Variants in AP3S2 observed in about 807,000 individuals in gnomAD.
The protein encoded by AP3S2 is AP-3 complex subunit sigma-2.
A neutral mutation model predicts 23.4 loss-of-function variants in AP3S2; 22 were observed. That is an observed-to-expected ratio of 0.94 (90% CI 0.67 to 1.34). AP3S2 has a LOEUF of 1.34. Ranked by LOEUF, AP3S2 falls within the 40% of genes most tolerant of loss-of-function variation. The pLI is 0.00. For missense variants in AP3S2, 241 were observed against 236.9 expected, an observed-to-expected ratio of 1.02 and a Z score of -0.11; for synonymous variants, 86 against 87.1, an observed-to-expected ratio of 0.99 and a Z score of 0.07.
In AP3S2 at chr15:89,831,741, G is replaced by A. The variant is rs1293441638; in HGVS notation, c.*3774C>T. On this transcript the variant is annotated 3_prime_UTR_variant, in exon 6 of 6. Coordinates refer to ENST00000336418, the MANE Select transcript of AP3S2 (RefSeq NM_005829.5). ...CTGGCTCTATATGTGGCAGAGGCCT[G>A]AATAAACAGGGATTTGAGAGGGCTC... 2 of 152,314 alleles carry A rather than the reference G, an allele frequency of 1.3e-5. No homozygotes were observed. Among genetic ancestry groups the A allele is most frequent in the African/African-American group, 4.8e-5 (2 of 41,474 alleles). The allele number at this position is 152,314 out of a possible 1,614,324, so 9.4% of individuals were successfully genotyped here. A position where few individuals can be genotyped will look rare whatever the true frequency, so the allele number is the denominator to read the frequency against.
chr15:89,842,096 A>C (rs1297237363), intron 4 of AP3S2, among the ~76,000 whole-genome samples: 2 of 152,140 alleles, frequency 1.3e-5, no homozygotes, highest in African/African-American at 4.8e-5. Flanking sequence ...AACTGAGGAA[A>C]GAAGTGAAAG....
At chr15:89,843,735 G>A in intron 4 of AP3S2, among the ~76,000 whole-genome samples, 1 of 152,172 alleles carries the variant, frequency 6.6e-6, no homozygotes, top group Non-Finnish European at 1.5e-5. Flanking sequence ...CTGAACCCAG[G>A]AGGAGGAGGT....
rs878929084 is a variant in AP3S2 at position 89,832,119 on chromosome 15, C to T, written c.*3396G>A. Reference sequence around the variant, plus strand: ...TAGAAATTGCATAATGAAAGAATTTCAGATTTTTATTAGTGGCAGTGAGCA... The same window carrying T: ...TAGAAATTGCATAATGAAAGAATTTTAGATTTTTATTAGTGGCAGTGAGCA... On this transcript the variant is annotated 3_prime_UTR_variant, in exon 6 of 6. Transcript: ENST00000336418. 1.3e-5 allele frequency: 2 copies of T among 152,124 alleles called. No individual in the cohort carries two copies. Among genetic ancestry groups the T allele is most frequent in the Admixed American group, 1.3e-4 (2 of 15,266 alleles). 9.4% of individuals were successfully genotyped at this position (152,124 alleles called of 1,614,324 possible). A position where few individuals can be genotyped will look rare whatever the true frequency, so the allele number is the denominator to read the frequency against.
At chr15:89,862,867 ATT>A (rs1179476354) in intron 4 of AP3S2, among the ~76,000 whole-genome samples, 1 of 152,208 alleles carries the variant, frequency 6.6e-6, no homozygotes, top group African/African-American at 2.4e-5. Context: ...CCATTTGGGA[ATT>A]ACCTACATAG....
chr15:89,883,030 CCTTT>C (rs1199377351), intron 3 of AP3S2, among the ~76,000 whole-genome samples: 1 of 152,122 alleles, frequency 6.6e-6, no homozygotes, highest in African/African-American at 2.4e-5. Flanking sequence ...TCCAACTATT[CCTTT>C]GTTTTTTCTT....
In AP3S2 at chr15:89,850,335, G is replaced by A. The variant is rs557624786; in HGVS notation, c.346-12613C>T. On this transcript the variant is annotated intron_variant, in intron 4 of 5. Coordinates refer to ENST00000336418, the MANE Select transcript of AP3S2 (RefSeq NM_005829.5). ...TCTTTCACTCACAGGATCATACATT[G>A]TTTCAGTGGGCAATGAATGAATCCA... Among the ~76,000 whole-genome samples the A allele has an allele frequency of 1.3e-3, 197 of 152,204 alleles. 2 individuals carry two copies. The Middle Eastern group carries it at 0.058, about 45-fold the overall frequency.
At chr15:89,839,049 C>G (rs1895262842) in intron 4 of AP3S2, among the ~76,000 whole-genome samples, 1 of 152,116 alleles carries the variant, frequency 6.6e-6, no homozygotes, top group Non-Finnish European at 1.5e-5. Flanking sequence ...TCTCTAGCAT[C>G]CCTGGTCTCT....
chr15:89,845,097 A>G (rs1311977505), intron 4 of AP3S2, among the ~76,000 whole-genome samples: 1 of 151,916 alleles, frequency 6.6e-6, no homozygotes, highest in African/African-American at 2.4e-5. Flanking sequence ...AGTAGAGACG[A>G]GGTTTTACCA....
chr15:89,867,076 G>C (rs980638973), intron 4 of AP3S2, among the ~76,000 whole-genome samples: 15 of 134,406 alleles, frequency 1.1e-4, no homozygotes, highest in African/African-American at 4.1e-4. Flanking sequence ...ATGCGGAGCC[G>C]AAGCTGGACT....
intron 4 of AP3S2, among the ~76,000 whole-genome samples, chr15:89,840,645 C>T (rs1895306112): frequency 6.6e-6 from 1 of 152,158 alleles, no homozygotes; most frequent in Non-Finnish European, 1.5e-5. Flanking sequence ...CCAGGCTGGT[C>T]TGGAACTCCT....
chr15:89,835,551 G>T lies in AP3S2; in HGVS notation c.546C>A (p.Leu182=). The T allele has an allele frequency of 6.2e-7, 1 of 1,614,000 alleles. No individual in the cohort carries two copies. Among genetic ancestry groups the T allele is most frequent in the South Asian group, 1.1e-5 (1 of 91,072 alleles). ...EIPRNINIGD[L]NIKVPNLSQF... is the part of the protein sequence containing the mutation. The stretch of plus-strand genomic sequence containing the variant: ...GGGACAGGTTGGGAACTTTGATGTT[G>T]AGATCGCCAATGTTGATGTTCCGAG... Residue 182 remains leucine (L), a synonymous_variant, in exon 6 of 6, where the codon CTC becomes CTA. Transcript: ENST00000336418.
At chr15:89,870,202 T>G (rs115924360) in intron 4 of AP3S2, among the ~76,000 whole-genome samples, 469 of 152,180 alleles carry the variant, frequency 3.1e-3, no homozygotes, top group African/African-American at 0.011. Flanking sequence ...TTGACAGAAG[T>G]TGCAAAATAG....
intron 4 of AP3S2, among the ~76,000 whole-genome samples, chr15:89,858,508 A>G (rs1895910348): frequency 1.8e-5 from 1 of 54,602 alleles, no homozygotes; most frequent in Non-Finnish European, 4.0e-5. Context: ...AGAGAGAGAG[A>G]GAGAGAGAGA....
chr15:89,839,737 A>T (rs1232973959), intron 4 of AP3S2, among the ~76,000 whole-genome samples: 3 of 152,254 alleles, frequency 2.0e-5, no homozygotes, highest in Non-Finnish European at 4.4e-5. Flanking sequence ...ATTATTCACA[A>T]CAGCCAAAAG....
At position 89,837,608 on chromosome 15, in the gene AP3S2, T is replaced by C. The variant is rs776514378; in HGVS notation, c.453+7A>G. The C allele has an allele frequency of 6.2e-7, 1 of 1,614,116 alleles. No homozygotes were observed. The highest frequency in any genetic ancestry group is 1.1e-5 in the South Asian group (1 of 91,088). ...CAGCCAGGGCTAGAGCACAGCTGCT[T>C]ACTCACCTCGGATTTCTCCAGCCTG... On this transcript the variant is annotated splice_region_variant and intron_variant, in intron 5 of 5. Coordinates refer to ENST00000336418, the MANE Select transcript of AP3S2 (RefSeq NM_005829.5).
intron 3 of AP3S2, among the ~76,000 whole-genome samples, chr15:89,877,603 C>T (rs532795069): frequency 7.9e-5 from 12 of 152,230 alleles, no homozygotes; most frequent in Admixed American, 6.5e-4. Flanking sequence ...AATCCCAGCA[C>T]TTTGGGAGGG....
chr15:89,893,753 G>A, intron 1 of AP3S2, 128 bp downstream of exon 1: 1 of 870,962 alleles, frequency 1.1e-6, no homozygotes, highest in Non-Finnish European at 1.8e-6. Context: ...TAAGTAGGGC[G>A]AGGGTCATGC....
intron 1 of AP3S2, among the ~76,000 whole-genome samples, chr15:89,889,863 CAAAAAAAAAA>C: frequency 5.2e-5 from 1 of 19,264 alleles, no homozygotes; most frequent in African/African-American, 1.6e-4. Context: ...GACTCCATCT[CAAAAAAAAAA>C]AAAAAAAAAA....
intron 3 of AP3S2, among the ~76,000 whole-genome samples, chr15:89,873,565 G>A (rs531962246): frequency 1.4e-4 from 21 of 152,218 alleles, no homozygotes; most frequent in Non-Finnish European, 7.4e-5. Context: ...GGTTACAGAC[G>A]TGAGCCACTG....
Sources: allele counts gnomAD v4.1 joint callset (sites outside exome capture counted in the v4.1 genomes callset), GRCh38; gene constraint gnomAD v4.1.1; transcripts MANE v1.5; gene names NCBI Gene and HGNC (gene_info 2026-07-23, HGNC 2026-07-21).